Variants in NCKAP5 observed in about 807,000 individuals in gnomAD.
NCKAP5 encodes NCK associated protein 5.
NCKAP5 carries 92 observed loss-of-function variants against 167.0 expected under a neutral mutation model. The observed-to-expected ratio is 0.55, with a 90% CI of 0.47 to 0.66. The LOEUF (loss-of-function observed/expected upper bound fraction) is 0.66, where lower values mean the gene tolerates loss of function less well. NCKAP5 is among the 30% of genes least tolerant of loss of function. The pLI, the probability that NCKAP5 is intolerant of heterozygous loss-of-function variation, is 0.00. For missense variants in NCKAP5, 2,378 were observed against 2,315.0 expected (o/e 1.03, Z -0.56); for synonymous variants, 891 against 877.4 (o/e 1.02, Z -0.27).
chr2:132,724,136 T>C (rs1223975938), intron 19 of NCKAP5, among the ~76,000 whole-genome samples: 1 of 152,056 alleles, frequency 6.6e-6, no homozygotes, highest in African/African-American at 2.4e-5. Context: ...CTGCTTCAGC[T>C]CTCTCTGCTC....
chr2:133,647,434 A>AAGGAAGGGAAAGAAAGG, the NCKAP5 span, among the ~76,000 whole-genome samples: 22 of 91,822 alleles, frequency 2.4e-4, 2 homozygotes, highest in African/African-American at 5.9e-4. Context: ...AGAAAGGAAG[A>AAGGAAGGGAAAGAAAGG]AAGAAAGAAA....
the NCKAP5 span, among the ~76,000 whole-genome samples, chr2:133,607,466 C>T: frequency 6.6e-6 from 1 of 152,170 alleles, no homozygotes; most frequent in African/African-American, 2.4e-5. Context: ...AATTGACTCT[C>T]ACTCAAGAAT....
intron 8 of NCKAP5, among the ~76,000 whole-genome samples, chr2:132,953,130 T>A (rs1248074731): frequency 6.6e-6 from 1 of 152,196 alleles, no homozygotes; most frequent in Non-Finnish European, 1.5e-5. Flanking sequence ...ACAGTGAGGA[T>A]TAAATAAATG....
At chr2:133,051,267 G>T (rs1294790926) in intron 6 of NCKAP5, among the ~76,000 whole-genome samples, 1 of 152,120 alleles carries the variant, frequency 6.6e-6, no homozygotes, top group Admixed American at 6.6e-5. Context: ...TAATTAAGCA[G>T]CCCTAACGAC....
At chr2:133,674,342 T>C in the NCKAP5 span, among the ~76,000 whole-genome samples, 1 of 152,078 alleles carries the variant, frequency 6.6e-6, no homozygotes, top group African/African-American at 2.4e-5. Context: ...GGCATGTACA[T>C]CATAACTGTT....
chr2:132,728,839 C>T lies in NCKAP5; in HGVS notation c.5557G>A (p.Glu1853Lys). 6.2e-7 allele frequency: 1 copy of T among 1,613,954 alleles called. No homozygotes were observed. Among genetic ancestry groups the T allele is most frequent in the South Asian group, 1.1e-5 (1 of 91,076 alleles). The change falls in exon 18 of 20, where the codon GAA becomes AAA. Residue 1853 changes from glutamate (E) to lysine (K), a missense_variant. Physicochemically the swap from Glu to Lys is moderately conservative, Grantham distance 56. Coordinates refer to ENST00000409261, the MANE Select transcript of NCKAP5 (RefSeq NM_207363.3). ...ACCTGGGTCCCGGTGGCAGCAACTT[C>T]ACTCCCCCAGTCTGGAAGCGGCTGG... ...ASQPLPDWGSEVAATGTQDKA... is the reference protein window; with the variant it reads ...ASQPLPDWGSKVAATGTQDKA...
At chr2:133,146,106 C>G (rs1202965911) in intron 5 of NCKAP5, among the ~76,000 whole-genome samples, 1 of 151,420 alleles carries the variant, frequency 6.6e-6, no homozygotes, top group Non-Finnish European at 1.5e-5. Context: ...AAAGCAACAT[C>G]TAGATAAAAT....
At chr2:132,855,108 C>T (rs1278328688) in intron 11 of NCKAP5, among the ~76,000 whole-genome samples, 1 of 152,136 alleles carries the variant, frequency 6.6e-6, no homozygotes, top group Non-Finnish European at 1.5e-5. Context: ...ACCAACCTCA[C>T]GTGTTACATC....
chr2:133,341,102 A>G (rs576863477), intron 3 of NCKAP5, among the ~76,000 whole-genome samples: 2 of 152,290 alleles, frequency 1.3e-5, no homozygotes, highest in East Asian at 1.9e-4. Flanking sequence ...AATCACTAAG[A>G]CCATTAGATC....
At chr2:133,303,148 G>A (rs1019466496) in intron 3 of NCKAP5, 38 bp from the exon 4 acceptor site, 3 of 1,417,536 alleles carry the variant, frequency 2.1e-6, no homozygotes, top group African/African-American at 2.8e-5. Flanking sequence ...AACTCACTAT[G>A]ACAGTCCCCA....
intron 11 of NCKAP5, 31 bp downstream of exon 11, chr2:132,860,461 A>G: frequency 6.4e-7 from 1 of 1,551,934 alleles, no homozygotes; most frequent in Non-Finnish European, 8.7e-7. Context: ...GCATTTCAGT[A>G]GCAAAGATTG....
At chr2:132,762,799 C>T (rs1681121320) in intron 16 of NCKAP5, among the ~76,000 whole-genome samples, 1 of 152,248 alleles carries the variant, frequency 6.6e-6, no homozygotes, top group African/African-American at 2.4e-5. Context: ...ATCTGAGAAA[C>T]ACACGGCTGC....
Position 132,731,770 on chromosome 2 carries a change from G to C in NCKAP5, c.5410C>G (p.Leu1804Val). 6.2e-7 allele frequency: 1 copy of C among 1,608,602 alleles called. No homozygotes were observed. The highest frequency in any genetic ancestry group is 2.2e-5 in the East Asian group (1 of 44,668). ...GCTGGTTTGGGGAGGCGGCTCTGAAGAGGCCTCATCCCTCTGGCGGTCATG... is the reference window on the plus strand; with the variant it reads ...GCTGGTTTGGGGAGGCGGCTCTGAACAGGCCTCATCCCTCTGGCGGTCATG... ...PIMTARGMRP[L>V]QSRLPKPASS... Residue 1804 changes from leucine (L) to valine (V), a missense_variant, in exon 17 of 20, where the codon CTT becomes GTT. Leu to Val is a conservative substitution (Grantham distance 32). Coordinates refer to ENST00000409261, the MANE Select transcript of NCKAP5 (RefSeq NM_207363.3).
intron 7 of NCKAP5, among the ~76,000 whole-genome samples, chr2:132,978,777 C>A (rs754316480): frequency 6.6e-6 from 1 of 152,198 alleles, no homozygotes; most frequent in Non-Finnish European, 1.5e-5. Flanking sequence ...AAGCGGTCCT[C>A]GTCTCTAAGA....
chr2:133,354,680 T>C (rs1684590586), intron 3 of NCKAP5, among the ~76,000 whole-genome samples: 1 of 152,248 alleles, frequency 6.6e-6, no homozygotes, highest in South Asian at 2.1e-4. Flanking sequence ...ATTATGAGGA[T>C]AGGTAAAATA....
chr2:132,857,142 G>A (rs895932204), intron 11 of NCKAP5, among the ~76,000 whole-genome samples: 3 of 151,672 alleles, frequency 2.0e-5, no homozygotes, highest in Non-Finnish European at 4.4e-5. Flanking sequence ...TCTTTGCTTA[G>A]AGATCTTTTT....
chr2:133,522,159 C>G (rs1040493936), intron 2 of NCKAP5, among the ~76,000 whole-genome samples: 15 of 152,190 alleles, frequency 9.9e-5, no homozygotes, highest in South Asian at 2.1e-4. Flanking sequence ...CTGCTTCCAG[C>G]TCTAGCAGAA....
chr2:133,284,342 T>C (rs1000186536), intron 4 of NCKAP5, among the ~76,000 whole-genome samples: 3 of 151,994 alleles, frequency 2.0e-5, no homozygotes, highest in African/African-American at 7.2e-5. Flanking sequence ...CAACAGGAGG[T>C]AGAAGAAGTT....
intron 2 of NCKAP5, among the ~76,000 whole-genome samples, chr2:133,546,701 A>C (rs1020742005): frequency 3.9e-5 from 6 of 152,300 alleles, no homozygotes; most frequent in African/African-American, 1.2e-4. Flanking sequence ...ACAACAACAA[A>C]AAAAACACTT....
Sources: allele counts gnomAD v4.1 joint callset (sites outside exome capture counted in the v4.1 genomes callset), GRCh38; gene constraint gnomAD v4.1.1; transcripts MANE v1.5; gene names NCBI Gene and HGNC (gene_info 2026-07-23, HGNC 2026-07-21).